The following PCBP3 variants were observed in gnomAD, a reference collection of about 807,000 sequenced individuals.
PCBP3 encodes poly(rC)-binding protein 3.
PCBP3 carries 25 observed loss-of-function variants against 52.7 expected under a neutral mutation model. The ratio of observed to expected loss-of-function variants is 0.47; its 90% CI spans 0.35 to 0.66. The LOEUF (loss-of-function observed/expected upper bound fraction) is 0.66. Among genes scored for constraint, PCBP3 ranks in the 30% least tolerant of loss-of-function variants. The pLI, the probability that PCBP3 is intolerant of heterozygous loss-of-function variation, is 0.01. For missense variants in PCBP3, 391 were observed against 490.3 expected, an observed-to-expected ratio of 0.80 and a Z score of 1.91; for synonymous variants, 162 against 183.0, an observed-to-expected ratio of 0.89 and a Z score of 0.93.
At chr21:45,934,636 C>A (rs2076685080) in intron 15 of PCBP3, among the ~76,000 whole-genome samples, 2 of 152,222 alleles carry the variant, frequency 1.3e-5, no homozygotes, top group Non-Finnish European at 2.9e-5. Flanking sequence ...TGGGCCTGAG[C>A]TGTCTGAGCC....
chr21:45,938,287 C>T (rs892592588), intron 16 of PCBP3, among the ~76,000 whole-genome samples: 4 of 152,222 alleles, frequency 2.6e-5, no homozygotes, highest in Non-Finnish European at 4.4e-5. Context: ...GGGAGGAAAG[C>T]GGCTGCGTGC....
At chr21:45,902,945 G>A (rs2096102167) in intron 9 of PCBP3, among the ~76,000 whole-genome samples, 1 of 152,240 alleles carries the variant, frequency 6.6e-6, no homozygotes, top group Admixed American at 6.5e-5. Flanking sequence ...CCCACTGTGG[G>A]GGACACTCAG....
intron 4 of PCBP3, among the ~76,000 whole-genome samples, chr21:45,823,988 C>T (rs968998662): frequency 1.5e-4 from 23 of 152,148 alleles, no homozygotes; most frequent in African/African-American, 5.6e-4. Context: ...GTAATTCACC[C>T]GCCTTGGCCT....
At chr21:45,677,061 C>T (rs966632274) in intron 2 of PCBP3, among the ~76,000 whole-genome samples, 1 of 152,172 alleles carries the variant, frequency 6.6e-6, no homozygotes, top group African/African-American at 2.4e-5. Context: ...CTGCGCCTGG[C>T]CACGTCTCCC....
Position 45,844,866 on chromosome 21 carries a change from A to G in PCBP3, c.-125-5095A>G, listed in dbSNP as rs761276498. On this transcript the variant is annotated intron_variant, in intron 4 of 17. Transcript: ENST00000681687. ...CGTATATAAAGTTATAACTTTATAT[A>G]CGTATATGAAGTTTATATACGTATA... Among the ~76,000 whole-genome samples, 36 of 149,544 alleles carry G rather than the reference A, an allele frequency of 2.4e-4. 1 individual carries two copies. Among genetic ancestry groups the G allele is most frequent in the Middle Eastern group, 3.5e-3 (1 of 282 alleles).
intron 4 of PCBP3, chr21:45,763,310 C>T (rs2088904608): frequency 6.6e-6 from 1 of 152,262 alleles, no homozygotes. Flanking sequence ...ATTCAGCATT[C>T]ATTCCGCTCA....
chr21:45,916,439 G>A (rs914958071), intron 12 of PCBP3: 2 of 152,302 alleles, frequency 1.3e-5, no homozygotes, highest in Non-Finnish European at 2.9e-5. Flanking sequence ...ACAGCCCTGG[G>A]GCTTGTTTCA....
Position 45,899,331 on chromosome 21 carries a change from C to T in PCBP3, c.166-268C>T, listed in dbSNP as rs561879365. On this transcript the variant is annotated intron_variant, in intron 6 of 17. Transcript: ENST00000681687. ...TATCAGGGGCAGCCAGCTGCCCTCCCCCGGGGCACTTACAGTCAGCCCATC... is the reference window on the plus strand; with the variant it reads ...TATCAGGGGCAGCCAGCTGCCCTCCTCCGGGGCACTTACAGTCAGCCCATC... 2.0e-5 allele frequency among the ~76,000 whole-genome samples: 3 copies of T among 152,304 alleles called. No individual in the cohort carries two copies. The South Asian group carries it at 6.2e-4, about 32-fold the overall frequency.
At chr21:45,698,908 C>G (rs2082945859) in intron 2 of PCBP3, among the ~76,000 whole-genome samples, 1 of 152,180 alleles carries the variant, frequency 6.6e-6, no homozygotes, top group African/African-American at 2.4e-5. Flanking sequence ...TGCTTCACGG[C>G]AGGGGCAGGG....
chr21:45,846,367 T>C (rs2093811801), intron 4 of PCBP3, among the ~76,000 whole-genome samples: 1 of 152,226 alleles, frequency 6.6e-6, no homozygotes, highest in African/African-American at 2.4e-5. Flanking sequence ...TCTGTGCCAT[T>C]TCTATTTCAT....
intron 5 of PCBP3, among the ~76,000 whole-genome samples, chr21:45,860,868 G>A (rs2094483053): frequency 6.6e-6 from 1 of 152,160 alleles, no homozygotes; most frequent in African/African-American, 2.4e-5. Flanking sequence ...CCTTGGCAGC[G>A]ACCCCCGTGG....
rs183088716 is a variant in PCBP3, at chr21:45,737,761, G to A, written c.-162+2332G>A. 6.6e-6 allele frequency among the ~76,000 whole-genome samples: 1 copy of A among 152,312 alleles called. No individual in the cohort carries two copies. The highest frequency in any genetic ancestry group is 6.5e-5 in the Admixed American group (1 of 15,296). ...GCCTCTTCTGCTGGTGGGAATGGAG[G>A]TGCCATGAGCACTGAGCTGGTTGGA... is the stretch of plus-strand genomic sequence containing the variant. On this transcript the variant is annotated intron_variant, in intron 3 of 17. Coordinates refer to ENST00000681687, the MANE Select transcript of PCBP3 (RefSeq NM_001384156.1). The surrounding 1 kb of genome is among the most constrained non-coding windows in gnomAD (Gnocchi z 4.9).
chr21:45,759,016 G>A (rs112059546), intron 4 of PCBP3, among the ~76,000 whole-genome samples: 9,192 of 152,154 alleles, frequency 0.06, 349 homozygotes, highest in Non-Finnish European at 0.085. Flanking sequence ...TGATTGTTGA[G>A]CGAAGGTTTC....
chr21:45,815,480 GGTGAGTGGTGAGTGATGA>G, intron 4 of PCBP3, among the ~76,000 whole-genome samples: 1 of 97,782 alleles, frequency 1.0e-5, no homozygotes, highest in African/African-American at 4.0e-5. Context: ...ATGAGTGATG[GGTGAGTGGTGAGTGATGA>G]GTGAGTGGTG....
At chr21:45,873,340 A>T (rs2095113696) in intron 5 of PCBP3, 1 of 152,178 alleles carries the variant, frequency 6.6e-6, no homozygotes, top group Admixed American at 6.5e-5. Flanking sequence ...AACTGCATGT[A>T]CCTTGTCTCA....
At chr21:45,733,676 C>T (rs938350310) in intron 2 of PCBP3, among the ~76,000 whole-genome samples, 1 of 152,160 alleles carries the variant, frequency 6.6e-6, no homozygotes, top group Non-Finnish European at 1.5e-5. Flanking sequence ...TCTTGGCTCA[C>T]TGAAGCCTCT....
chr21:45,758,249 G>C (rs1244169329), intron 4 of PCBP3, among the ~76,000 whole-genome samples: 1 of 152,196 alleles, frequency 6.6e-6, no homozygotes, highest in Non-Finnish European at 1.5e-5. Flanking sequence ...ATTGACAAGG[G>C]TGAGTCTTCT....
At chr21:45,683,564 A>G (rs1479847545) in intron 2 of PCBP3, among the ~76,000 whole-genome samples, 1 of 152,196 alleles carries the variant, frequency 6.6e-6, no homozygotes, top group African/African-American at 2.4e-5. Flanking sequence ...GATTCTCTAC[A>G]AAGTCAGGAT....
intron 5 of PCBP3, among the ~76,000 whole-genome samples, chr21:45,892,513 C>T (rs1361200264): frequency 4.0e-5 from 3 of 74,316 alleles, no homozygotes; most frequent in Non-Finnish European, 7.6e-5. Flanking sequence ...GTGGAGGGCG[C>T]AGTCCCGTCT....
Sources: gnomAD v4.1 joint callset for allele counts (sites outside exome capture counted in the v4.1 genomes callset) on GRCh38, gnomAD v4.1.1 for gene constraint, Gnocchi (gnomAD v3.1) non-coding constraint, MANE v1.5 for transcripts, NCBI Gene and HGNC (gene_info 2026-07-23, HGNC 2026-07-21) for gene names.